The following CDK14 variants were observed in gnomAD, a reference collection of about 807,000 sequenced individuals.
The protein encoded by CDK14 is cyclin-dependent kinase 14.
CDK14 carries 34 observed loss-of-function variants against 60.7 expected under a neutral mutation model. That is an observed-to-expected ratio of 0.56 (90% CI 0.43 to 0.75). The LOEUF (loss-of-function observed/expected upper bound fraction) is 0.75, where lower values mean the gene tolerates loss of function less well. Among genes scored for constraint, CDK14 ranks in the 30% least tolerant of loss-of-function variants. CDK14 has a pLI of 0.00. For missense variants in CDK14, 482 were observed against 564.1 expected (o/e 0.85, Z 1.47); for synonymous variants, 197 against 203.7 (o/e 0.97, Z 0.28).
At chr7:90,631,265 A>T (rs2116402141) in intron 2 of CDK14, among the ~76,000 whole-genome samples, 1 of 152,312 alleles carries the variant, frequency 6.6e-6, no homozygotes, top group East Asian at 1.9e-4. Context: ...CATGTAGAAA[A>T]TGCCTTGCTT....
intron 11 of CDK14, among the ~76,000 whole-genome samples, chr7:91,057,998 G>A (rs1359025752): frequency 6.6e-6 from 1 of 152,016 alleles, no homozygotes; most frequent in Non-Finnish European, 1.5e-5. Flanking sequence ...ACCTTGGGCA[G>A]TATGGCCATT....
intron 14 of CDK14, among the ~76,000 whole-genome samples, chr7:91,134,368 GC>G (rs1330069903): frequency 2.0e-5 from 3 of 152,038 alleles, no homozygotes; most frequent in Non-Finnish European, 4.4e-5. Context: ...TGACCTACCT[GC>G]AAGAACATGC....
intron 14 of CDK14, among the ~76,000 whole-genome samples, chr7:91,127,749 A>G (rs889682386): frequency 1.4e-4 from 21 of 152,146 alleles, no homozygotes; most frequent in African/African-American, 4.3e-4. Flanking sequence ...TCTACTATAA[A>G]GTTAATTTAC....
At chr7:91,011,917 T>C (rs943796181) in intron 10 of CDK14, among the ~76,000 whole-genome samples, 3 of 152,210 alleles carry the variant, frequency 2.0e-5, no homozygotes, top group African/African-American at 7.2e-5. Context: ...TGGGTCACTT[T>C]GATTGATTCA....
intron 10 of CDK14, among the ~76,000 whole-genome samples, chr7:91,039,293 C>T (rs1217203342): frequency 6.6e-6 from 1 of 152,184 alleles, no homozygotes; most frequent in Non-Finnish European, 1.5e-5. Context: ...GACTGAGCAA[C>T]TCCAAGGCAG....
At chr7:91,179,505 TAAAA>T (rs71107809) in intron 14 of CDK14, among the ~76,000 whole-genome samples, 1 of 147,504 alleles carries the variant, frequency 6.8e-6, no homozygotes, top group African/African-American at 2.5e-5. Flanking sequence ...AAAGTATAAT[TAAAA>T]AAAAAAAATG....
intron 10 of CDK14, among the ~76,000 whole-genome samples, chr7:91,029,741 T>C (rs1475241387): frequency 1.3e-5 from 2 of 152,142 alleles, no homozygotes; most frequent in Non-Finnish European, 2.9e-5. Flanking sequence ...CTGATTTGTG[T>C]ACATTGATTT....
intron 12 of CDK14, among the ~76,000 whole-genome samples, chr7:91,092,601 A>G (rs919955504): frequency 6.6e-6 from 1 of 152,232 alleles, no homozygotes; most frequent in Admixed American, 6.5e-5. Flanking sequence ...AGTTTCTACA[A>G]TGTAGCAACT....
intron 14 of CDK14, among the ~76,000 whole-genome samples, chr7:91,185,853 C>T (rs1802162456): frequency 6.6e-6 from 1 of 152,056 alleles, no homozygotes; most frequent in Non-Finnish European, 1.5e-5. Flanking sequence ...ACATTTTCAT[C>T]TACTCTAAAG....
intron 2 of CDK14, among the ~76,000 whole-genome samples, chr7:90,611,517 T>C (rs1333195113): frequency 6.6e-6 from 1 of 152,184 alleles, no homozygotes. Flanking sequence ...TATCCTAACC[T>C]TTTCTCCAAC....
At chr7:90,749,959 A>G (rs2116818186) in intron 4 of CDK14, among the ~76,000 whole-genome samples, 1 of 152,278 alleles carries the variant, frequency 6.6e-6, no homozygotes, top group South Asian at 2.1e-4. Context: ...GATCAAGTAT[A>G]TATCCAGACA....
At chr7:90,926,715 G>A (rs1484749022) in intron 8 of CDK14, among the ~76,000 whole-genome samples, 2 of 152,124 alleles carry the variant, frequency 1.3e-5, no homozygotes, top group East Asian at 1.9e-4. Flanking sequence ...AGTGTCTAAA[G>A]ATTCTATTTA....
chr7:90,859,484 T>A (rs2117207976), intron 5 of CDK14, among the ~76,000 whole-genome samples: 1 of 152,314 alleles, frequency 6.6e-6, no homozygotes, highest in African/African-American at 2.4e-5. Flanking sequence ...TAAAATATTA[T>A]TTTATTTTAG....
At chr7:90,713,410 G>C (rs73220689) in intron 2 of CDK14, among the ~76,000 whole-genome samples, 3 of 151,822 alleles carry the variant, frequency 2.0e-5, no homozygotes, top group Non-Finnish European at 2.9e-5. Context: ...AAATAAGCCT[G>C]CTCCTTCTTA....
chr7:90,907,449 G>T (rs1221701678), intron 7 of CDK14, among the ~76,000 whole-genome samples: 1 of 151,750 alleles, frequency 6.6e-6, no homozygotes, highest in Non-Finnish European at 1.5e-5. Flanking sequence ...TAAGATTCAT[G>T]AAAAAAAGAT....
chr7:90,930,495 A>G (rs1003406255), intron 8 of CDK14, among the ~76,000 whole-genome samples: 1 of 136,524 alleles, frequency 7.3e-6, no homozygotes, highest in African/African-American at 2.9e-5. Flanking sequence ...TGATATGGGC[A>G]TCTGTACTGT....
At chr7:90,685,042 G>T (rs758259785) in intron 2 of CDK14, among the ~76,000 whole-genome samples, 2 of 150,274 alleles carry the variant, frequency 1.3e-5, no homozygotes, top group Non-Finnish European at 3.0e-5. Context: ...TGGTTTTGGG[G>T]TATGTTTATA....
At chr7:91,139,810 C>CT (rs1554438414) in intron 14 of CDK14, among the ~76,000 whole-genome samples, 3 of 136,032 alleles carry the variant, frequency 2.2e-5, no homozygotes, top group East Asian at 2.3e-4. Context: ...TTCTTTCTTT[C>CT]TTTCTTTTCT....
At chr7:90,718,246 A>G (rs1802322342) in intron 2 of CDK14, among the ~76,000 whole-genome samples, 1 of 152,114 alleles carries the variant, frequency 6.6e-6, no homozygotes, top group Admixed American at 6.6e-5. Flanking sequence ...GTCAGAGTTA[A>G]GGAAAATCTG....
Sources: allele counts gnomAD v4.1 joint callset (sites outside exome capture counted in the v4.1 genomes callset), GRCh38; gene constraint gnomAD v4.1.1; transcripts MANE v1.5; gene names NCBI Gene and HGNC (gene_info 2026-07-23, HGNC 2026-07-21).